RTL9: variants seen among roughly 807,000 people sequenced by gnomAD.
RTL9 encodes retrotransposon Gag like 9.
Under a neutral mutation model 44.7 loss-of-function variants are expected in RTL9, and 19 were observed. The ratio of observed to expected loss-of-function variants is 0.42; its 90% CI spans 0.30 to 0.62. The LOEUF (loss-of-function observed/expected upper bound fraction) is 0.62, where lower values mean the gene tolerates loss of function less well. Among genes scored for constraint, RTL9 ranks in the 20% least tolerant of loss-of-function variants. RTL9 has a pLI of 0.16. For missense variants in RTL9, 1,105 were observed against 1,080.6 expected, an observed-to-expected ratio of 1.02 and a Z score of -0.32; for synonymous variants, 407 against 398.9, an observed-to-expected ratio of 1.02 and a Z score of -0.24.
chrX:110,380,444 A>G (rs2068411189), intron 1 of RTL9, among the ~76,000 whole-genome samples: 1 of 112,114 alleles, frequency 8.9e-6, no homozygotes, highest in Non-Finnish European at 1.9e-5. Context: ...GAGAAATCAG[A>G]GGCAACACAG....
intron 1 of RTL9, among the ~76,000 whole-genome samples, chrX:110,404,728 T>C (rs1202380423): frequency 9.0e-6 from 1 of 111,467 alleles, no homozygotes; most frequent in East Asian, 2.8e-4. Context: ...CACTTCCCAT[T>C]AAATTCAGGG....
At chrX:110,442,500 G>A (rs767953569) in intron 1 of RTL9, among the ~76,000 whole-genome samples, 2 of 111,585 alleles carry the variant, frequency 1.8e-5, no homozygotes, top group East Asian at 5.6e-4. Flanking sequence ...TCTAGAAACA[G>A]AAGAGTCTAA....
intron 1 of RTL9, among the ~76,000 whole-genome samples, chrX:110,408,564 C>T (rs2068618926): frequency 8.9e-6 from 1 of 112,338 alleles, no homozygotes; most frequent in African/African-American, 3.2e-5. Flanking sequence ...TTTGCTTCCC[C>T]TGCCCCGACC....
At chrX:110,421,176 T>C (rs1212613870) in intron 1 of RTL9, among the ~76,000 whole-genome samples, 1 of 112,498 alleles carries the variant, frequency 8.9e-6, no homozygotes, top group Non-Finnish European at 1.9e-5. Flanking sequence ...CTGATGTATG[T>C]CACCTTTAAA....
intron 1 of RTL9, among the ~76,000 whole-genome samples, chrX:110,371,304 A>C (rs1203854833): frequency 2.7e-5 from 3 of 110,846 alleles, no homozygotes; most frequent in African/African-American, 9.9e-5. Context: ...TTTGGGGTAC[A>C]TGAGATGTTC....
chrX:110,370,570 T>C (rs192862481), intron 1 of RTL9, among the ~76,000 whole-genome samples: 1 of 112,586 alleles, frequency 8.9e-6, no homozygotes, highest in East Asian at 2.8e-4. Context: ...TTCTAAGTCA[T>C]CCCTTTTCTA....
upstream of RTL9, among the ~76,000 whole-genome samples, chrX:110,418,634 C>T (rs1010779822): frequency 1.8e-5 from 2 of 111,653 alleles, no homozygotes; most frequent in South Asian, 3.8e-4. Context: ...CAAACTGCCA[C>T]GGTCTCCAAC....
At chrX:110,406,914 T>C (rs1002030784) in intron 1 of RTL9, among the ~76,000 whole-genome samples, 2 of 112,080 alleles carry the variant, frequency 1.8e-5, no homozygotes, top group African/African-American at 6.5e-5. Context: ...GGTTAGAACC[T>C]TCAAGATGTC....
At chrX:110,445,599 A>T (rs910254912), upstream of RTL9, among the ~76,000 whole-genome samples, 5 of 112,087 alleles carry the variant, frequency 4.5e-5, no homozygotes, top group Non-Finnish European at 7.5e-5. Flanking sequence ...GTTTTCAGTT[A>T]TCTGGATGCC....
At chrX:110,447,081 G>T (rs1317901109), upstream of RTL9, among the ~76,000 whole-genome samples, 5 of 97,751 alleles carry the variant, frequency 5.1e-5, no homozygotes, top group Non-Finnish European at 2.0e-5. Flanking sequence ...TTGTTGTGAG[G>T]CCATTGTTAA....
At chrX:110,420,655 G>A (rs2068710708) in intron 1 of RTL9, among the ~76,000 whole-genome samples, 1 of 112,115 alleles carries the variant, frequency 8.9e-6, no homozygotes, top group South Asian at 3.7e-4. Context: ...GCAGGGTGTG[G>A]GGAGGTGGTG....
chrX:110,453,999 C>T (rs1008817710), exon 1 of RTL9: 2 of 1,210,425 alleles, frequency 1.7e-6, no homozygotes, highest in Admixed American at 2.2e-5. Context: ...TGCCACAACT[C>T]CTGAAACTGC....
chrX:110,414,957 A>C (rs1289870645), upstream of RTL9, among the ~76,000 whole-genome samples: 1 of 112,077 alleles, frequency 8.9e-6, no homozygotes, highest in African/African-American at 3.2e-5. Context: ...AAGAAAGAAG[A>C]AAGCATATAT....
At chrX:110,448,068 C>T (rs953624046), upstream of RTL9, among the ~76,000 whole-genome samples, 5 of 112,285 alleles carry the variant, frequency 4.5e-5, no homozygotes, top group Admixed American at 4.7e-4. Context: ...TGTCTGAAAT[C>T]CATGGAGCCT....
chrX:110,432,573 T>A (rs1442785503), intron 1 of RTL9, among the ~76,000 whole-genome samples: 1 of 112,000 alleles, frequency 8.9e-6, no homozygotes, highest in Admixed American at 9.4e-5. Context: ...CTCATTGCTA[T>A]CACTCTATTT....
intron 1 of RTL9, among the ~76,000 whole-genome samples, chrX:110,398,588 G>A (rs971504274): frequency 8.9e-6 from 1 of 112,016 alleles, no homozygotes; most frequent in Non-Finnish European, 1.9e-5. Context: ...AGAGAGGTTA[G>A]TGACTTGCCC....
Position 110,407,728 on chromosome X carries a change from G to A in RTL9, c.-167-37425G>A, listed in dbSNP as rs188176856. Among the ~76,000 whole-genome samples, 525 of 112,404 alleles carry A rather than the reference G, an allele frequency of 4.7e-3. 1 individual carries two copies. Among genetic ancestry groups the A allele is most frequent in the Non-Finnish European group, 7.5e-3 (401 of 53,270 alleles). On this transcript the variant is annotated intron_variant, in intron 1 of 2. Coordinates refer to the RTL9 transcript ENST00000520821. ...CTTCTCAAATGGTTTGGGGCTATCT[G>A]TGTGAGGCTGACAAGAAAACTATTT...
chrX:110,446,055 T>A (rs183311320), upstream of RTL9, among the ~76,000 whole-genome samples: 603 of 111,743 alleles, frequency 5.4e-3, 5 homozygotes, highest in African/African-American at 0.019. Context: ...AGTGCTAGCA[T>A]GGTTTTCTAA....
chrX:110,384,777 T>C (rs1336387469), intron 1 of RTL9, among the ~76,000 whole-genome samples: 1 of 110,981 alleles, frequency 9.0e-6, no homozygotes, highest in Non-Finnish European at 1.9e-5. Flanking sequence ...CCATAGCTCA[T>C]TGGACATAGT....
Sources: allele counts gnomAD v4.1 joint callset (sites outside exome capture counted in the v4.1 genomes callset), GRCh38; gene constraint gnomAD v4.1.1; transcripts MANE v1.5; gene names NCBI Gene and HGNC (gene_info 2026-07-23, HGNC 2026-07-21).